DCLK1: variants seen among roughly 807,000 people sequenced by gnomAD.
The protein encoded by DCLK1 is serine/threonine-protein kinase DCLK1.
In DCLK1, 16 loss-of-function variants were observed where a neutral mutation model predicts 86.2. The ratio of observed to expected loss-of-function variants is 0.19; its 90% CI spans 0.13 to 0.28. DCLK1 has a LOEUF of 0.28. Among genes scored for constraint, DCLK1 ranks in the 10% least tolerant of loss-of-function variants. The probability of loss-of-function intolerance (pLI) is 1.00; values close to 1 mark genes in which losing one functional copy is unlikely to be tolerated. For missense variants in DCLK1, 590 were observed against 940.2 expected (o/e 0.63, Z 4.87); for synonymous variants, 369 against 370.5 (o/e 1.00, Z 0.05).
In DCLK1 at chr13:35,790,765, T is replaced by C. The variant is rs2153099167; in HGVS notation, c.2058+2601A>G. Among the ~76,000 whole-genome samples the C allele has an allele frequency of 1.3e-5, 2 of 152,352 alleles. 1 individual carries two copies. The highest frequency in any genetic ancestry group is 3.9e-4 in the East Asian group (2 of 5,190). ...GAATATACCATTTATAAAAAATTTT[T>C]CTTCTACCTCCCACTTATTTTGCTT... On this transcript the variant is annotated intron_variant, in intron 16 of 16. Transcript: ENST00000360631.
intron 6 of DCLK1, among the ~76,000 whole-genome samples, chr13:35,842,809 T>C (rs1869899737): frequency 6.6e-6 from 1 of 152,180 alleles, no homozygotes; most frequent in Non-Finnish European, 1.5e-5. Context: ...CTGTTATCTT[T>C]TAGATTCTGA....
chr13:35,962,697 T>C (rs1381967357), intron 3 of DCLK1, among the ~76,000 whole-genome samples: 1 of 152,230 alleles, frequency 6.6e-6, no homozygotes, highest in Non-Finnish European at 1.5e-5. Flanking sequence ...TTGAGCTTAG[T>C]TAAGTTTCAG....
At chr13:35,846,782 A>G (rs1056528540) in intron 6 of DCLK1, 1 of 985,198 alleles carries the variant, frequency 1.0e-6, no homozygotes, top group Admixed American at 6.2e-5. Flanking sequence ...GAGCAAATGT[A>G]TGCATATATA....
At position 35,900,242 on chromosome 13, in the gene DCLK1, C is replaced by CTT. The variant is rs71081294; in HGVS notation, c.824-28904_824-28903dup. Among the ~76,000 whole-genome samples the CTT allele has an allele frequency of 4.3e-3, 606 of 141,834 alleles. 4 individuals are homozygous for CTT. Among genetic ancestry groups the CTT allele is most frequent in the African/African-American group, 7.2e-3 (278 of 38,506 alleles). The allele number at this position is 141,834 out of a possible 152,430, so 93.0% of individuals were successfully genotyped here. On this transcript the variant is annotated intron_variant, in intron 4 of 16. Coordinates refer to ENST00000360631, the MANE Select transcript of DCLK1 (RefSeq NM_001330071.2). ...AGAGGTTTAGGTTCAACTAAATAAA[C>CTT]TTTTTTTTTTTTTTTTGAGACAGAG...
At chr13:35,882,661 G>T (rs892605593) in intron 4 of DCLK1, among the ~76,000 whole-genome samples, 1 of 152,012 alleles carries the variant, frequency 6.6e-6, no homozygotes, top group African/African-American at 2.4e-5. Flanking sequence ...CTGCCTCTGG[G>T]CATTGGAATA....
At chr13:35,910,349 G>A (rs1003615258) in intron 4 of DCLK1, among the ~76,000 whole-genome samples, 1 of 152,160 alleles carries the variant, frequency 6.6e-6, no homozygotes, top group African/African-American at 2.4e-5. Context: ...GTGCATAGAA[G>A]ACAAAAGAAT....
chr13:36,053,717 G>T (rs1444975677), intron 3 of DCLK1, among the ~76,000 whole-genome samples: 1 of 151,980 alleles, frequency 6.6e-6, no homozygotes, highest in Admixed American at 6.6e-5. Context: ...CTGCCGGGTG[G>T]GGGGCAGGTT....
chr13:36,032,158 T>C (rs1025911458), intron 3 of DCLK1, among the ~76,000 whole-genome samples: 3 of 152,124 alleles, frequency 2.0e-5, no homozygotes, highest in Non-Finnish European at 2.9e-5. Flanking sequence ...TTCTTTTTTT[T>C]TGAGACGGAT....
intron 3 of DCLK1, among the ~76,000 whole-genome samples, chr13:36,083,955 A>C (rs1463097113): frequency 6.6e-6 from 1 of 152,188 alleles, no homozygotes; most frequent in Non-Finnish European, 1.5e-5. Flanking sequence ...TATTTTTATA[A>C]CATAATTAGA....
rs1555358861 is a variant in DCLK1 at position 36,045,368 on chromosome 13, A to ATCTATATATC, written c.723+66500_723+66501insGATATATAGA. ...TATATATATATATATATATATATATATATATATATTTCAAGGTAAATTGCT... is the reference window on the plus strand; with the variant it reads ...TATATATATATATATATATATATATATCTATATATCTATATATATTTCAAGGTAAATTGCT... On this transcript the variant is annotated intron_variant, in intron 3 of 16. Transcript: ENST00000360631. Among the ~76,000 whole-genome samples the ATCTATATATC allele has an allele frequency of 6.2e-3, 589 of 94,904 alleles. 8 individuals are homozygous for ATCTATATATC. The highest frequency in any genetic ancestry group is 0.023 in the East Asian group (33 of 1,452). 62.3% of individuals were successfully genotyped at this position (94,904 alleles called of 152,430 possible).
At chr13:36,131,861 G>A (rs1886370686), upstream of DCLK1, among the ~76,000 whole-genome samples, 1 of 152,176 alleles carries the variant, frequency 6.6e-6, no homozygotes, top group Admixed American at 6.5e-5. Context: ...ATGCACCCAC[G>A]CAGTGCCTCT....
chr13:36,028,900 T>G (rs751455325), intron 3 of DCLK1, among the ~76,000 whole-genome samples: 1 of 152,200 alleles, frequency 6.6e-6, no homozygotes, highest in Non-Finnish European at 1.5e-5. Flanking sequence ...GAAGTTAGCC[T>G]GTATGATCTA....
Position 35,931,825 on chromosome 13 carries a change from C to T in DCLK1, c.823+15533G>A, listed in dbSNP as rs537024488. Among the ~76,000 whole-genome samples, 20 of 152,286 alleles carry T rather than the reference C, an allele frequency of 1.3e-4. No individual in the cohort carries two copies. In the South Asian group the frequency reaches 4.1e-3, roughly 32 times the overall value. ...GCTAATATTTCCTGAGCTGTTACTACATTCATGGTACCCTGATATGTACTG... is the reference window on the plus strand; with the variant it reads ...GCTAATATTTCCTGAGCTGTTACTATATTCATGGTACCCTGATATGTACTG... On this transcript the variant is annotated intron_variant, in intron 4 of 16. Transcript: ENST00000360631.
intron 3 of DCLK1, among the ~76,000 whole-genome samples, chr13:36,017,167 C>A (rs868572529): frequency 7.2e-5 from 11 of 152,120 alleles, no homozygotes; most frequent in Non-Finnish European, 8.8e-5. Flanking sequence ...AGGAAGGAGA[C>A]AAGGATCATA....
At chr13:35,904,502 A>G (rs902588701) in intron 4 of DCLK1, among the ~76,000 whole-genome samples, 1 of 152,176 alleles carries the variant, frequency 6.6e-6, no homozygotes, top group African/African-American at 2.4e-5. Context: ...TAATAGAAAA[A>G]TCTTCTAAAG....
chr13:36,112,076 G>A lies in DCLK1; in HGVS notation c.516C>T (p.Ser172=). 6.2e-7 allele frequency: 1 copy of A among 1,614,144 alleles called. No individual in the cohort carries two copies. Among genetic ancestry groups the A allele is most frequent in the Non-Finnish European group, 8.5e-7 (1 of 1,180,040 alleles). Residue 172 remains serine, a synonymous_variant, in exon 3 of 17, where the codon AGC becomes AGT. Transcript: ENST00000360631. ...AVSSLATAKG[S]PSEVRENKDF... ...CCTTATTCTCTCGCACCTCTGAAGG[G>A]CTTCCTTTGGCAGTGGCCAGTGAAG...
chr13:35,803,901 C>T (rs1424354344), intron 15 of DCLK1, among the ~76,000 whole-genome samples: 1 of 152,056 alleles, frequency 6.6e-6, no homozygotes, highest in Non-Finnish European at 1.5e-5. Flanking sequence ...TATATATATT[C>T]AAGCCTATAT....
chr13:36,062,120 T>G (rs1883573113), intron 3 of DCLK1, among the ~76,000 whole-genome samples: 1 of 151,966 alleles, frequency 6.6e-6, no homozygotes, highest in Admixed American at 6.6e-5. Context: ...TAAATGTGGG[T>G]GTTCCCATTT....
At chr13:36,088,850 T>G (rs748790451) in intron 3 of DCLK1, among the ~76,000 whole-genome samples, 2 of 152,224 alleles carry the variant, frequency 1.3e-5, no homozygotes, top group African/African-American at 2.4e-5. Flanking sequence ...CCAAGAACAC[T>G]CACTATTCTT....
Sources: gnomAD v4.1 joint callset for allele counts (sites outside exome capture counted in the v4.1 genomes callset) on GRCh38, gnomAD v4.1.1 for gene constraint, MANE v1.5 for transcripts, NCBI Gene and HGNC (gene_info 2026-07-23, HGNC 2026-07-21) for gene names.